The following ERI3 variants were observed in gnomAD, a reference collection of about 807,000 sequenced individuals.
ERI3 encodes the protein ERI1 exoribonuclease family member 3, also known as ERI1 exoribonuclease 3.
A neutral mutation model predicts 44.4 loss-of-function variants in ERI3; 18 were observed. The ratio of observed to expected loss-of-function variants is 0.41; its 90% confidence interval spans 0.28 to 0.60. ERI3 has a LOEUF of 0.60. ERI3 is among the 20% of genes least tolerant of loss of function. The pLI is 0.36. For missense variants in ERI3, 294 were observed against 435.5 expected (o/e 0.68, Z 2.89); for synonymous variants, 183 against 164.8 (o/e 1.11, Z -0.84).
chr1:44,309,128 C>T (rs1645901361), intron 5 of ERI3, among the ~76,000 whole-genome samples: 1 of 152,188 alleles, frequency 6.6e-6, no homozygotes, highest in South Asian at 2.1e-4. Context: ...TCCCTTCATC[C>T]CTTTGATCAG....
rs1484457777 is a variant in ERI3, at chr1:44,261,316, T to C, written c.832-13278A>G. On this transcript the variant is annotated intron_variant, in intron 7 of 8. Transcript: ENST00000372257. ...GAGGAAGGCGCGAGTCAGTCTGGAG[T>C]GCTCCCCATTTATCAAGCTCACGCA... Among the ~76,000 whole-genome samples, 6 of 152,296 alleles carry C rather than the reference T, an allele frequency of 3.9e-5. No homozygotes were observed. The East Asian group carries it at 7.7e-4, about 20-fold the overall frequency.
intron 8 of ERI3, among the ~76,000 whole-genome samples, chr1:44,242,358 C>G (rs1452462182): frequency 6.6e-6 from 1 of 152,182 alleles, no homozygotes; most frequent in South Asian, 2.1e-4. Flanking sequence ...CATCTGAAGC[C>G]CAGAAGACTT....
intron 8 of ERI3, among the ~76,000 whole-genome samples, chr1:44,227,162 T>C (rs1224094667): frequency 6.6e-6 from 1 of 152,136 alleles, no homozygotes; most frequent in Non-Finnish European, 1.5e-5. Flanking sequence ...TAAAGGAACA[T>C]GCAGACACAT....
intron 7 of ERI3, among the ~76,000 whole-genome samples, chr1:44,250,824 C>T (rs1287872916): frequency 6.6e-6 from 1 of 152,170 alleles, no homozygotes; most frequent in Non-Finnish European, 1.5e-5. Flanking sequence ...CTGCTTCCAG[C>T]GGGACCTTCA....
intron 7 of ERI3, among the ~76,000 whole-genome samples, chr1:44,281,580 C>T (rs1645283325): frequency 8.4e-6 from 1 of 118,906 alleles, no homozygotes. Flanking sequence ...AGAGTGAGAC[C>T]CCGTCTCGAA....
At chr1:44,317,145 C>CACACACACAT in intron 4 of ERI3, among the ~76,000 whole-genome samples, 1 of 9,278 alleles carries the variant, frequency 1.1e-4, no homozygotes, top group South Asian at 4.9e-3. Flanking sequence ...CATGTGCGTG[C>CACACACACAT]ACACACACAC....
At chr1:44,303,275 T>C (rs1046718088) in intron 6 of ERI3, among the ~76,000 whole-genome samples, 13 of 152,240 alleles carry the variant, frequency 8.5e-5, no homozygotes, top group Non-Finnish European at 1.9e-4. Flanking sequence ...CATAGTTCTC[T>C]AACTCTTCAC....
At chr1:44,254,794 G>C (rs1228682371) in intron 7 of ERI3, among the ~76,000 whole-genome samples, 1 of 151,524 alleles carries the variant, frequency 6.6e-6, no homozygotes, top group Admixed American at 6.6e-5. Flanking sequence ...CACCTCCCCT[G>C]TTCTAACAGG....
chr1:44,330,369 T>A (rs1371154506), intron 3 of ERI3, among the ~76,000 whole-genome samples: 1 of 152,208 alleles, frequency 6.6e-6, no homozygotes, highest in African/African-American at 2.4e-5. Context: ...AGACCTGTTT[T>A]GCCACCCACA....
chr1:44,351,449 TCTAA>T (rs767352799), intron 2 of ERI3, among the ~76,000 whole-genome samples: 1 of 152,216 alleles, frequency 6.6e-6, no homozygotes, highest in Non-Finnish European at 1.5e-5. Flanking sequence ...ATGGGCCAAA[TCTAA>T]CTGTCACCTT....
chr1:44,309,081 G>C (rs1449030564), intron 5 of ERI3, among the ~76,000 whole-genome samples: 1 of 152,150 alleles, frequency 6.6e-6, no homozygotes. Context: ...TGCTACAAAG[G>C]GAGAAAAACT....
intron 1 of ERI3, 110 bp downstream of exon 1, chr1:44,354,782 T>C (rs1646963802): frequency 7.8e-7 from 1 of 1,274,194 alleles, no homozygotes; most frequent in Non-Finnish European, 1.0e-6. Context: ...GCATCCAGGG[T>C]AAGCACATGG....
intron 4 of ERI3, among the ~76,000 whole-genome samples, chr1:44,313,591 T>C (rs1309614293): frequency 6.6e-6 from 1 of 152,140 alleles, no homozygotes; most frequent in Admixed American, 6.5e-5. Context: ...CTTCCCACAA[T>C]TACAGTCTCA....
rs112780486 is a variant in ERI3, at chr1:44,331,474, T to C, written c.489+7571A>G. On this transcript the variant is annotated intron_variant, in intron 3 of 8. Transcript: ENST00000372257. ...TTGACAATACCTCAGAGCCTTAGCTTACACCATATCCACTTTCACCCACAC... is the reference window on the plus strand; with the variant it reads ...TTGACAATACCTCAGAGCCTTAGCTCACACCATATCCACTTTCACCCACAC... Among the ~76,000 whole-genome samples the C allele has an allele frequency of 8.5e-3, 1,294 of 152,214 alleles. 18 individuals are homozygous for C. The highest frequency in any genetic ancestry group is 0.029 in the African/African-American group (1,198 of 41,514).
At chr1:44,325,202 C>G (rs1330621802) in intron 3 of ERI3, among the ~76,000 whole-genome samples, 1 of 151,910 alleles carries the variant, frequency 6.6e-6, no homozygotes, top group Non-Finnish European at 1.5e-5. Flanking sequence ...CTCAGCCTCC[C>G]AAGTAGCTGG....
chr1:44,342,359 G>A (rs562375139), intron 2 of ERI3, among the ~76,000 whole-genome samples: 1 of 152,246 alleles, frequency 6.6e-6, no homozygotes, highest in South Asian at 2.1e-4. Flanking sequence ...GCTACCTACA[G>A]AGGAACTGAT....
chr1:44,293,056 C>A (rs1156819801), intron 6 of ERI3, among the ~76,000 whole-genome samples: 1 of 152,254 alleles, frequency 6.6e-6, no homozygotes, highest in Non-Finnish European at 1.5e-5. Flanking sequence ...AATTTCACCA[C>A]CAACAGCCAG....
Position 44,280,128 on chromosome 1 carries a change from T to C in ERI3, c.831+4707A>G, listed in dbSNP as rs943255975. 2.0e-5 allele frequency among the ~76,000 whole-genome samples: 3 copies of C among 152,348 alleles called. No individual in the cohort carries two copies. In the East Asian group the frequency reaches 5.8e-4, roughly 29 times the overall value. ...CAAGCTGCAACCCTTCTCATGCCCA[T>C]TTCTATAAGCAAACTTCGGGGTTTT... is the stretch of plus-strand genomic sequence containing the variant. On this transcript the variant is annotated intron_variant, in intron 7 of 8. Transcript: ENST00000372257.
intron 2 of ERI3, among the ~76,000 whole-genome samples, chr1:44,351,210 T>C (rs1239049939): frequency 1.3e-5 from 2 of 152,078 alleles, no homozygotes; most frequent in Non-Finnish European, 2.9e-5. Flanking sequence ...ATTTTTGTGT[T>C]TTTAGTAGAG....
Sources: gnomAD v4.1 joint callset for allele counts (sites outside exome capture counted in the v4.1 genomes callset) on GRCh38, gnomAD v4.1.1 for gene constraint, MANE v1.5 for transcripts, NCBI Gene and HGNC (gene_info 2026-07-23, HGNC 2026-07-21) for gene names.